Variants in EHF observed in about 807,000 individuals in gnomAD.
EHF encodes the protein ESE3 transcription factor.
EHF carries 14 observed loss-of-function variants against 45.1 expected under a neutral mutation model. The ratio of observed to expected loss-of-function variants is 0.31; its 90% CI spans 0.21 to 0.49. EHF has a LOEUF of 0.49. Among genes scored for constraint, EHF ranks in the 20% least tolerant of loss-of-function variants. The probability of loss-of-function intolerance (pLI) is 0.99; values close to 1 mark genes in which losing one functional copy is unlikely to be tolerated. For missense variants in EHF, 282 were observed against 371.4 expected (o/e 0.76, Z 1.98); for synonymous variants, 136 against 131.8 (o/e 1.03, Z -0.22).
chr11:34,651,521 C>T (rs759269428), intron 4 of EHF, 21 bp from the exon 5 acceptor site: 29 of 1,602,722 alleles, frequency 1.8e-5, no homozygotes, highest in Admixed American at 3.3e-5. Flanking sequence ...GCTGACTATT[C>T]TCCTTCTCTA....
rs1241337360 is a variant in EHF at position 34,658,971 on chromosome 11, A to C, written c.*40A>C. 2.0e-6 allele frequency: 3 copies of C among 1,467,244 alleles called. No homozygotes were observed. Among genetic ancestry groups the C allele is most frequent in the Admixed American group, 3.9e-5 (2 of 50,868 alleles). The allele number at this position is 1,467,244 out of a possible 1,614,324, so 90.9% of individuals were successfully genotyped here. A position where few individuals can be genotyped will look rare whatever the true frequency, so the allele number is the denominator to read the frequency against. On this transcript the variant is annotated 3_prime_UTR_variant, in exon 9 of 9. Coordinates refer to ENST00000257831, the MANE Select transcript of EHF (RefSeq NM_012153.6). ...TGGACACAAACCAAAACACACACCA[A>C]ATAATCAGAAACAAAGAACTCCTGG...
intron 7 of EHF, among the ~76,000 whole-genome samples, chr11:34,658,148 G>A (rs1855836682): frequency 6.6e-6 from 1 of 152,092 alleles, no homozygotes; most frequent in Non-Finnish European, 1.5e-5. Flanking sequence ...GTGGTTGAGA[G>A]TTGCTCTCTG....
At chr11:34,624,298 C>T (rs1345103598) in intron 1 of EHF, 6 of 985,280 alleles carry the variant, frequency 6.1e-6, no homozygotes, top group African/African-American at 3.5e-5. Context: ...CCGAACGCGG[C>T]GCTGTGGCTT....
At chr11:34,646,929 T>C in intron 3 of EHF, 3 of 531,894 alleles carry the variant, frequency 5.6e-6, no homozygotes, top group Non-Finnish European at 9.7e-6. Flanking sequence ...GTGATAATTT[T>C]CAAGAAGACA....
chr11:34,622,775 A>C (rs1852070345), intron 1 of EHF, among the ~76,000 whole-genome samples: 1 of 152,238 alleles, frequency 6.6e-6, no homozygotes. Flanking sequence ...ACCATGATGG[A>C]ATGTGAATTG....
In EHF at chr11:34,655,500, T is replaced by C. The variant is rs1023753239; in HGVS notation, c.545-1408T>C. Among the ~76,000 whole-genome samples, 34 of 152,240 alleles carry C rather than the reference T, an allele frequency of 2.2e-4. 1 individual carries two copies. The highest frequency in any genetic ancestry group is 7.2e-4 in the Admixed American group (11 of 15,288). ...CATTTCTGGAAATGACATAGAATCA[T>C]GGTTATGAGTAAAGCTTCTGGATTC... On this transcript the variant is annotated intron_variant, in intron 6 of 8. Transcript: ENST00000257831.
intron 2 of EHF, among the ~76,000 whole-genome samples, chr11:34,644,104 C>T (rs1854286385): frequency 6.6e-6 from 1 of 152,172 alleles, no homozygotes; most frequent in Non-Finnish European, 1.5e-5. Context: ...AGACAAAAAT[C>T]CCTGATTCTC....
At chr11:34,629,355 A>G (rs189954438) in intron 1 of EHF, among the ~76,000 whole-genome samples, 254 of 152,308 alleles carry the variant, frequency 1.7e-3, no homozygotes, top group African/African-American at 5.8e-3. Flanking sequence ...GCCAGGAGAA[A>G]CAGAATAAAG....
At chr11:34,653,667 G>A (rs1313260114) in intron 6 of EHF, among the ~76,000 whole-genome samples, 2 of 152,138 alleles carry the variant, frequency 1.3e-5, no homozygotes, top group Non-Finnish European at 2.9e-5. Flanking sequence ...CCCTTCAGTA[G>A]GATAGTTAAT....
rs560564869 is a variant in EHF, at chr11:34,646,701, G to T, written c.343+17G>T. ...AGTGGAACGGTGACTCTCTCTTTCTGTGTCTCTCCCTACCCTGCTAGGAGC... is the reference window on the plus strand; with the variant it reads ...AGTGGAACGGTGACTCTCTCTTTCTTTGTCTCTCCCTACCCTGCTAGGAGC... On this transcript the variant is annotated intron_variant, in intron 3 of 8. Coordinates refer to ENST00000257831, the MANE Select transcript of EHF (RefSeq NM_012153.6). 6.2e-7 allele frequency: 1 copy of T among 1,604,970 alleles called. No individual in the cohort carries two copies. The highest frequency in any genetic ancestry group is 8.5e-7 in the Non-Finnish European group (1 of 1,179,908).
Position 34,642,693 on chromosome 11 carries a change from G to A in EHF, c.63G>A (p.Pro21=), listed in dbSNP as rs759606089. 1.2e-5 allele frequency: 20 copies of A among 1,613,862 alleles called. No homozygotes were observed. The highest frequency in any genetic ancestry group is 2.2e-5 in the East Asian group (1 of 44,868). Residue 21 remains proline (P), a synonymous_variant, in exon 2 of 9, where the codon CCG becomes CCA. Transcript: ENST00000257831. ...CCGGCAACAACCTCCTTCACCAGCC[G>A]CCAGCCTGGACAGACAGCTACTCCA... ...LNPGNNLLHQ[P]PAWTDSYSTC...
At chr11:34,632,320 G>A in intron 1 of EHF, 1 of 546,516 alleles carries the variant, frequency 1.8e-6, no homozygotes, top group South Asian at 2.8e-5. Flanking sequence ...CCCTCTGGGA[G>A]GTATTCAGAA....
At position 34,651,570 on chromosome 11, in the gene EHF, C is replaced by T. The variant is rs149874101; in HGVS notation, c.435C>T (p.Asp145=). The stretch of plus-strand genomic sequence containing the variant: ...CTTCCATCATGAACACCTGGAAAGA[C>T]GAGAACTATTTATATGACACCAACT... ...TEPSIMNTWK[D]ENYLYDTNYG... is the part of the protein sequence containing the mutation. The change falls in exon 5 of 9, where the codon GAC becomes GAT. Residue 145 remains aspartate, a synonymous_variant. Coordinates refer to ENST00000257831, the MANE Select transcript of EHF (RefSeq NM_012153.6). 63 of 1,613,890 alleles carry T rather than the reference C, an allele frequency of 3.9e-5. No individual in the cohort carries two copies. Among genetic ancestry groups the T allele is most frequent in the Middle Eastern group, 1.7e-4 (1 of 6,060 alleles).
At chr11:34,631,985 C>T (rs1286476936) in intron 1 of EHF, among the ~76,000 whole-genome samples, 3 of 152,200 alleles carry the variant, frequency 2.0e-5, no homozygotes. Context: ...CCTCACAGAA[C>T]CAGCCAATGG....
At chr11:34,630,112 A>T (rs959648799) in intron 1 of EHF, among the ~76,000 whole-genome samples, 1 of 152,182 alleles carries the variant, frequency 6.6e-6, no homozygotes, top group Admixed American at 6.5e-5. Context: ...TTGGTGGAAA[A>T]AGTTGTGGGA....
intron 6 of EHF, among the ~76,000 whole-genome samples, chr11:34,652,220 T>A (rs916811824): frequency 5.9e-5 from 9 of 152,236 alleles, no homozygotes; most frequent in African/African-American, 1.7e-4. Flanking sequence ...CAAAGGTCCG[T>A]GAACCTGTAG....
intron 1 of EHF, among the ~76,000 whole-genome samples, chr11:34,629,299 T>C (rs1398216158): frequency 2.0e-5 from 3 of 152,202 alleles, no homozygotes; most frequent in Admixed American, 6.5e-5. Context: ...ACTGGTGGGT[T>C]TTTCATGATT....
intron 1 of EHF, among the ~76,000 whole-genome samples, chr11:34,633,427 T>C (rs1178489867): frequency 6.6e-6 from 1 of 152,162 alleles, no homozygotes; most frequent in Non-Finnish European, 1.5e-5. Flanking sequence ...GGTAAGTCTA[T>C]ATAGACCAGA....
chr11:34,630,615 C>T (rs1161405495), intron 1 of EHF, among the ~76,000 whole-genome samples: 1 of 152,018 alleles, frequency 6.6e-6, no homozygotes, highest in Non-Finnish European at 1.5e-5. Context: ...ATCCTGACCC[C>T]TCCCTGGCTC....
Sources: allele counts gnomAD v4.1 joint callset (sites outside exome capture counted in the v4.1 genomes callset), GRCh38; gene constraint gnomAD v4.1.1; transcripts MANE v1.5; gene names NCBI Gene and HGNC (gene_info 2026-07-23, HGNC 2026-07-21).